The following PRAG1 variants were observed in gnomAD, a reference collection of about 807,000 sequenced individuals.
PRAG1 encodes PEAK1 related, kinase-activating pseudokinase 1.
In PRAG1, 110 loss-of-function variants were observed where a neutral mutation model predicts 95.6. That is an observed-to-expected ratio of 1.15 (90% CI 0.99 to 1.35). The LOEUF is 1.35. PRAG1 is among the 40% of genes most tolerant of loss of function. The pLI is 0.00. For synonymous variants in PRAG1, 1,052 were observed against 819.4 expected, an observed-to-expected ratio of 1.28 and a Z score of -4.85; for missense variants, 2,554 against 1,864.7, an observed-to-expected ratio of 1.37 and a Z score of -6.81.
intron 3 of PRAG1, chr8:8,374,578 T>G: frequency 2.8e-5 from 24 of 852,252 alleles, no homozygotes; most frequent in Non-Finnish European, 3.2e-5. Flanking sequence ...GAGGATGAAA[T>G]GAGTTGTTAT....
chr8:8,385,511 G>A (rs954959629), intron 1 of PRAG1, among the ~76,000 whole-genome samples: 1 of 152,182 alleles, frequency 6.6e-6, no homozygotes, highest in African/African-American at 2.4e-5. Flanking sequence ...GAAGGGGAGA[G>A]GAGTTGTTAA....
chr8:8,336,488 A>T (rs1412807661), intron 4 of PRAG1, among the ~76,000 whole-genome samples: 2 of 152,202 alleles, frequency 1.3e-5, no homozygotes. Context: ...CCTTGCACTG[A>T]GTTGACTGGC....
intron 3 of PRAG1, among the ~76,000 whole-genome samples, chr8:8,364,265 T>A (rs1245916578): frequency 6.6e-6 from 1 of 152,232 alleles, no homozygotes; most frequent in Admixed American, 6.5e-5. Flanking sequence ...CTCTGATTAT[T>A]AATGAAGTTA....
intron 2 of PRAG1, among the ~76,000 whole-genome samples, chr8:8,379,172 G>T (rs1171488701): frequency 6.6e-6 from 1 of 152,150 alleles, no homozygotes; most frequent in Non-Finnish European, 1.5e-5. Context: ...CTGGACCTGG[G>T]CTTCCTCGCT....
chr8:8,378,056 C>T lies in PRAG1; in HGVS notation c.353G>A (p.Gly118Asp). 3 of 1,543,366 alleles carry T rather than the reference C, an allele frequency of 1.9e-6. No homozygotes were observed. Among genetic ancestry groups the T allele is most frequent in the Non-Finnish European group, 2.6e-6 (3 of 1,145,836 alleles). Residue 118 changes from glycine (G) to aspartate (D), a missense_variant, in exon 3 of 6, where the codon GGC becomes GAC. Coordinates refer to ENST00000615670, the MANE Select transcript of PRAG1 (RefSeq NM_001080826.3). ...VSQVIWRRAP[G>D]KLPLPKQEDA... ...CTCCTGCTTCGGGAGGGGGAGCTTG[C>T]CAGGGGCTCGTCTCCAGATGACCTA...
chr8:8,357,394 A>G (rs1687345585), intron 3 of PRAG1, among the ~76,000 whole-genome samples: 1 of 152,236 alleles, frequency 6.6e-6, no homozygotes, highest in Admixed American at 6.5e-5. Flanking sequence ...GTCAAAAAAC[A>G]AAACAAAACA....
At chr8:8,344,434 T>G (rs534928592) in intron 3 of PRAG1, among the ~76,000 whole-genome samples, 1 of 152,356 alleles carries the variant, frequency 6.6e-6, no homozygotes, top group African/African-American at 2.4e-5. Context: ...GATATATACA[T>G]GTTTTACGGA....
intron 3 of PRAG1, among the ~76,000 whole-genome samples, chr8:8,359,827 C>T (rs968165988): frequency 2.6e-5 from 4 of 152,140 alleles, no homozygotes; most frequent in African/African-American, 4.8e-5. Flanking sequence ...CCTTTTGGAC[C>T]AACTTGCAAA....
chr8:8,363,590 T>G (rs1188335359), intron 3 of PRAG1, among the ~76,000 whole-genome samples: 1 of 152,186 alleles, frequency 6.6e-6, no homozygotes, highest in Non-Finnish European at 1.5e-5. Context: ...TGTTTAAAGG[T>G]GGAGAGTTTC....
chr8:8,339,099 A>C (rs1799082427), intron 4 of PRAG1, among the ~76,000 whole-genome samples: 1 of 132,174 alleles, frequency 7.6e-6, no homozygotes, highest in South Asian at 2.2e-4. Flanking sequence ...TAGATGCAAA[A>C]GAGAGAGAGA....
intron 1 of PRAG1, among the ~76,000 whole-genome samples, chr8:8,382,560 T>C (rs568813698): frequency 6.6e-6 from 1 of 152,308 alleles, no homozygotes; most frequent in South Asian, 2.1e-4. Flanking sequence ...GACAAATTCA[T>C]GGTCAAAGGT....
chr8:8,336,915 T>A lies in PRAG1; in HGVS notation c.2320+2563A>T, dbSNP rs796077732. 2.0e-4 allele frequency among the ~76,000 whole-genome samples: 5 copies of A among 24,628 alleles called. 1 individual carries two copies. Among genetic ancestry groups the A allele is most frequent in the East Asian group, 3.4e-3 (1 of 290 alleles). 16.2% of individuals were successfully genotyped at this position (24,628 alleles called of 152,430 possible). A position where few individuals can be genotyped will look rare whatever the true frequency, so the allele number is the denominator to read the frequency against. ...CCCCTCCCCACACCCCTTTCCCCCC[T>A]CCCCCCACCTCCGACATAAAGCATG... is the stretch of plus-strand genomic sequence containing the variant. On this transcript the variant is annotated intron_variant, in intron 4 of 5. Transcript: ENST00000615670.
At chr8:8,376,214 C>A (rs745891988) in intron 3 of PRAG1, 33 bp downstream of exon 3, 3 of 1,593,832 alleles carry the variant, frequency 1.9e-6, no homozygotes, top group East Asian at 4.5e-5. Context: ...CTTTGCCCTG[C>A]AGACAGAGTC....
intron 3 of PRAG1, 90 bp from the exon 4 acceptor site, chr8:8,339,725 G>T: frequency 7.6e-7 from 1 of 1,308,948 alleles, no homozygotes; most frequent in Non-Finnish European, 1.1e-6. Flanking sequence ...CCATGCTCTT[G>T]AAACCTGGCC....
chr8:8,371,242 T>C lies in PRAG1; in HGVS notation c.2162+5005A>G, dbSNP rs115449714. Among the ~76,000 whole-genome samples, 1,049 of 152,046 alleles carry C rather than the reference T, an allele frequency of 6.9e-3. 16 individuals are homozygous for C. The highest frequency in any genetic ancestry group is 0.023 in the African/African-American group (947 of 41,512). The stretch of plus-strand genomic sequence containing the variant: ...GAATTTAGCAAGTTGTGGGTTAAAA[T>C]TGAAATTCAATTGAGCGAAAACTTT... On this transcript the variant is annotated intron_variant, in intron 3 of 5. Coordinates refer to ENST00000615670, the MANE Select transcript of PRAG1 (RefSeq NM_001080826.3).
intron 5 of PRAG1, among the ~76,000 whole-genome samples, chr8:8,319,584 C>A (rs1798408208): frequency 1.3e-5 from 2 of 152,028 alleles, no homozygotes; most frequent in South Asian, 2.1e-4. Flanking sequence ...TCAAAAGACA[C>A]CATTAAGAAA....
Position 8,376,400 on chromosome 8 carries a change from G to T in PRAG1, c.2009C>A (p.Thr670Asn). The change falls in exon 3 of 6, where the codon ACC becomes AAC. Residue 670 changes from threonine (T) to asparagine (N), a missense_variant. Thr to Asn is a moderately conservative substitution (Grantham distance 65). Transcript: ENST00000615670. ...ATCTGTGGGGTGGAGACGGTGCCAG[G>T]TCGTGGAGTTTGAATGGTCCGTGGG... Reference protein sequence around the residue: ...NGPTDHSNSTTWHRLHPTDGS... With the variant: ...NGPTDHSNSTNWHRLHPTDGS... 6.2e-7 allele frequency: 1 copy of T among 1,614,212 alleles called. No individual in the cohort carries two copies.
At chr8:8,384,953 G>A (rs942379041) in intron 1 of PRAG1, among the ~76,000 whole-genome samples, 4 of 152,174 alleles carry the variant, frequency 2.6e-5, no homozygotes, top group African/African-American at 4.8e-5. Flanking sequence ...CACTAGATTT[G>A]TGGCTACAGT....
chr8:8,347,817 C>CT (rs34740023), intron 3 of PRAG1, among the ~76,000 whole-genome samples: 37,270 of 145,880 alleles, frequency 0.26, 6,036 homozygotes, highest in East Asian at 0.61. Context: ...CAATTCACAT[C>CT]TTTTTTTTTT....
Sources: allele counts gnomAD v4.1 joint callset (sites outside exome capture counted in the v4.1 genomes callset), GRCh38; gene constraint gnomAD v4.1.1; transcripts MANE v1.5; gene names NCBI Gene and HGNC (gene_info 2026-07-23, HGNC 2026-07-21).